The following WLS variants were observed in gnomAD, a reference collection of about 807,000 sequenced individuals.
WLS encodes the protein Wnt ligand secretion mediator.
Under a neutral mutation model 62.8 loss-of-function variants are expected in WLS, and 23 were observed. The ratio of observed to expected loss-of-function variants is 0.37; its 90% confidence interval spans 0.26 to 0.52. WLS has a LOEUF of 0.52. Ranked by LOEUF, WLS falls within the 20% of genes least tolerant of loss-of-function variation. WLS has a pLI of 0.92. For synonymous variants in WLS, 246 were observed against 244.1 expected, an observed-to-expected ratio of 1.01 and a Z score of -0.07; for missense variants, 615 against 697.3, an observed-to-expected ratio of 0.88 and a Z score of 1.33.
At chr1:68,182,994 A>G (rs1279049165) in intron 2 of WLS, among the ~76,000 whole-genome samples, 1 of 152,072 alleles carries the variant, frequency 6.6e-6, no homozygotes, top group African/African-American at 2.4e-5. Context: ...TCCACCTCCC[A>G]GGTTCAAGTG....
intron 2 of WLS, among the ~76,000 whole-genome samples, chr1:68,165,556 C>T (rs561112574): frequency 5.8e-4 from 88 of 152,112 alleles, no homozygotes; most frequent in African/African-American, 2.0e-3. Flanking sequence ...CTTGGATGTT[C>T]GGTGGGGGTG....
chr1:68,133,050 A>AGCG (rs1557464606), intron 11 of WLS, among the ~76,000 whole-genome samples: 2 of 8,372 alleles, frequency 2.4e-4, no homozygotes, highest in East Asian at 7.7e-3. Flanking sequence ...AAAAGGCAGC[A>AGCG]GCAGCAACAG....
intron 11 of WLS, among the ~76,000 whole-genome samples, chr1:68,108,515 C>T (rs1014376834): frequency 3.3e-5 from 5 of 152,198 alleles, no homozygotes; most frequent in Non-Finnish European, 5.9e-5. Context: ...CTATGGTCTA[C>T]ACCAGATGCC....
intron 1 of WLS, among the ~76,000 whole-genome samples, chr1:68,198,840 C>G (rs1259589307): frequency 6.6e-6 from 1 of 152,196 alleles, no homozygotes; most frequent in Non-Finnish European, 1.5e-5. Flanking sequence ...GTCATCGTTA[C>G]AACATAACCT....
chr1:68,137,592 T>C (rs1397035241), intron 11 of WLS, among the ~76,000 whole-genome samples, 188 bp downstream of exon 11: 1 of 152,224 alleles, frequency 6.6e-6, no homozygotes, highest in Non-Finnish European at 1.5e-5. Flanking sequence ...TAAAGAAAGA[T>C]CTGGCTTGTG....
At chr1:68,127,888 G>A (rs1466943421) in intron 11 of WLS, among the ~76,000 whole-genome samples, 1 of 152,122 alleles carries the variant, frequency 6.6e-6, no homozygotes, top group Admixed American at 6.5e-5. Context: ...CACTGGCCCA[G>A]CAGGCTGCTT....
Position 68,132,022 on chromosome 1 carries a change from G to A in WLS, c.1517-5687C>T, listed in dbSNP as rs148073112. ...TTAGGACACCCTGTCTGTAGTATTC[G>A]TATAGCAACTCTAGCAAACATTTAG... On this transcript the variant is annotated intron_variant, in intron 11 of 11. Coordinates refer to ENST00000262348, the MANE Select transcript of WLS (RefSeq NM_024911.7). 3.1e-4 allele frequency among the ~76,000 whole-genome samples: 47 copies of A among 152,266 alleles called. No homozygotes were observed. The East Asian group carries it at 7.5e-3, about 24-fold the overall frequency.
chr1:68,165,771 C>T (rs1223839581), intron 2 of WLS, among the ~76,000 whole-genome samples: 1 of 152,192 alleles, frequency 6.6e-6, no homozygotes, highest in East Asian at 1.9e-4. Context: ...CAATTCGAAC[C>T]TGGCCATCCT....
At chr1:68,194,353 A>T in intron 1 of WLS, 126 bp from the exon 2 acceptor site, 1 of 1,238,692 alleles carries the variant, frequency 8.1e-7, no homozygotes, top group Non-Finnish European at 1.1e-6. Context: ...GGGGCTCAGC[A>T]ATACTTAGGG....
chr1:68,197,820 A>T (rs184392147), intron 1 of WLS, among the ~76,000 whole-genome samples: 88 of 152,252 alleles, frequency 5.8e-4, no homozygotes, highest in African/African-American at 2.0e-3. Context: ...CTGTCTGTAA[A>T]TTTTTTTAAA....
intron 2 of WLS, among the ~76,000 whole-genome samples, chr1:68,185,937 G>A (rs543289124): frequency 2.0e-5 from 3 of 152,312 alleles, no homozygotes; most frequent in Admixed American, 2.0e-4. Context: ...CTGTTGGTGG[G>A]TGGGGCTGAA....
At chr1:68,174,203 G>A (rs1057269141) in intron 2 of WLS, among the ~76,000 whole-genome samples, 3 of 152,184 alleles carry the variant, frequency 2.0e-5, no homozygotes, top group African/African-American at 4.8e-5. Context: ...CCAGCTAAAT[G>A]TCAGATCACG....
At position 68,223,700 on chromosome 1, in the gene WLS, T is replaced by C. The variant is rs117995656; in HGVS notation, c.106+8494A>G. ...CAGTGATATTTTATGCTTGTAGCAA[T>C]CCCCATGAGGAAGGAGGGCTCTGTT... On this transcript the variant is annotated intron_variant, in intron 1 of 11. Coordinates refer to ENST00000262348, the MANE Select transcript of WLS (RefSeq NM_024911.7). 1.2e-4 allele frequency among the ~76,000 whole-genome samples: 18 copies of C among 152,312 alleles called. No individual in the cohort carries two copies. The East Asian group carries it at 3.5e-3, about 29-fold the overall frequency.
intron 1 of WLS, among the ~76,000 whole-genome samples, chr1:68,223,502 C>T (rs538558167): frequency 2.0e-5 from 3 of 152,196 alleles, no homozygotes; most frequent in Admixed American, 6.5e-5. Flanking sequence ...TAAACAGTGT[C>T]GTGTGTAAGT....
At chr1:68,162,434 A>G (rs1646991321) in intron 2 of WLS, 1 of 1,613,878 alleles carries the variant, frequency 6.2e-7, no homozygotes, top group Non-Finnish European at 8.5e-7. Flanking sequence ...ACGCCCAGGG[A>G]TCGCTCGATC....
intron 2 of WLS, among the ~76,000 whole-genome samples, chr1:68,170,911 A>C (rs1383641465): frequency 6.6e-6 from 1 of 152,212 alleles, no homozygotes; most frequent in African/African-American, 2.4e-5. Flanking sequence ...ATAGATATTC[A>C]TTGAATATTT....
intron 11 of WLS, chr1:68,127,205 AAAAAT>A: frequency 4.2e-6 from 1 of 236,248 alleles, no homozygotes; most frequent in South Asian, 4.0e-5. Context: ...AAAAAAATAA[AAAAAT>A]AAACTACAAA....
intron 11 of WLS, among the ~76,000 whole-genome samples, chr1:68,128,614 C>G (rs146353601): frequency 1.4e-4 from 21 of 152,310 alleles, no homozygotes; most frequent in Non-Finnish European, 4.4e-5. Context: ...TAAAATATGA[C>G]TCCAATTAGC....
chr1:68,154,693 G>A (rs1646872866), intron 4 of WLS, among the ~76,000 whole-genome samples: 1 of 152,158 alleles, frequency 6.6e-6, no homozygotes, highest in South Asian at 2.1e-4. Flanking sequence ...TGGCCTCCTT[G>A]CAGCAAGTTC....
Sources: allele counts gnomAD v4.1 joint callset (sites outside exome capture counted in the v4.1 genomes callset), GRCh38; gene constraint gnomAD v4.1.1; transcripts MANE v1.5; gene names NCBI Gene and HGNC (gene_info 2026-07-23, HGNC 2026-07-21).